Variants in CFAP100 observed in about 807,000 individuals in gnomAD.
CFAP100 encodes cilia and flagella associated protein 100, also known as cilia- and flagella-associated protein 100.
CFAP100 carries 70 observed loss-of-function variants against 81.5 expected under a neutral mutation model. The observed-to-expected ratio is 0.86, with a 90% CI of 0.71 to 1.05. CFAP100 has a LOEUF of 1.05. Among genes scored for constraint, CFAP100 ranks in the 50% least tolerant of loss-of-function variants. The pLI is 0.00. For synonymous variants in CFAP100, 341 were observed against 314.8 expected (o/e 1.08, Z -0.88); for missense variants, 811 against 776.5 (o/e 1.04, Z -0.53).
At chr3:126,417,708 A>G (rs1299559732) in intron 5 of CFAP100, among the ~76,000 whole-genome samples, 1 of 152,202 alleles carries the variant, frequency 6.6e-6, no homozygotes, top group Non-Finnish European at 1.5e-5. Context: ...CTACCCAGGG[A>G]GGCCCAGCCA....
At chr3:126,434,422 T>G in intron 15 of CFAP100, 41 bp downstream of exon 15, 1 of 1,585,844 alleles carries the variant, frequency 6.3e-7, no homozygotes. Context: ...GTGTCCTGGC[T>G]GGCCCTGAGG....
Position 126,436,523 on chromosome 3 carries a change from C to T in CFAP100, c.*119C>T. 1 of 677,474 alleles carries T rather than the reference C, an allele frequency of 1.5e-6. No individual in the cohort carries two copies. The highest frequency in any genetic ancestry group is 2.4e-5 in the Admixed American group (1 of 41,112). The allele number at this position is 677,474 out of a possible 1,614,324, so 42.0% of individuals were successfully genotyped here. A position where few individuals can be genotyped will look rare whatever the true frequency, so the allele number is the denominator to read the frequency against. ...GTCCTCTCTGTCTCCTGTGTGCTCC[C>T]TTCCTCACCTGAATAAATTCATGTC... is the stretch of plus-strand genomic sequence containing the variant. On this transcript the variant is annotated 3_prime_UTR_variant, in exon 17 of 17. Coordinates refer to ENST00000352312, the MANE Select transcript of CFAP100 (RefSeq NM_182628.3).
rs372126536 is a variant in CFAP100 at position 126,436,409 on chromosome 3, C to G, written c.*5C>G. On this transcript the variant is annotated 3_prime_UTR_variant, in exon 17 of 17. Coordinates refer to ENST00000352312, the MANE Select transcript of CFAP100 (RefSeq NM_182628.3). ...CTGCTATTTTTCTTTACTTAATCTT[C>G]GCAGACCATAGCTGTTCTGGCTGAA... 9 of 1,604,122 alleles carry G rather than the reference C, an allele frequency of 5.6e-6. No individual in the cohort carries two copies. The highest frequency in any genetic ancestry group is 7.7e-6 in the Non-Finnish European group (9 of 1,171,678).
At chr3:126,416,001 C>G (rs2083230384) in intron 4 of CFAP100, among the ~76,000 whole-genome samples, 1 of 152,232 alleles carries the variant, frequency 6.6e-6, no homozygotes, top group Non-Finnish European at 1.5e-5. Flanking sequence ...ATATACGGCT[C>G]TCACTTAAAT....
chr3:126,411,571 AT>A (rs1280575470), intron 3 of CFAP100, among the ~76,000 whole-genome samples: 3 of 151,592 alleles, frequency 2.0e-5, no homozygotes, highest in Non-Finnish European at 4.4e-5. Flanking sequence ...CAATTTTTAA[AT>A]TATGGATTCA....
At chr3:126,400,621 G>T (rs553828392) in intron 2 of CFAP100, among the ~76,000 whole-genome samples, 1 of 152,210 alleles carries the variant, frequency 6.6e-6, no homozygotes, top group African/African-American at 2.4e-5. Flanking sequence ...GCATGGTGGC[G>T]GGCACCTGTA....
At chr3:126,423,436 C>A in intron 12 of CFAP100, 57 bp from the exon 13 acceptor site, 1 of 1,608,096 alleles carries the variant, frequency 6.2e-7, no homozygotes, top group Non-Finnish European at 8.5e-7. Flanking sequence ...CCTGCCCCCA[C>A]CCCTGCCCCT....
chr3:126,400,603 A>G (rs558711297), intron 2 of CFAP100, among the ~76,000 whole-genome samples: 7 of 152,046 alleles, frequency 4.6e-5, no homozygotes, highest in Admixed American at 3.9e-4. Flanking sequence ...AATACAAAAA[A>G]TAACCGGGCA....
chr3:126,414,101 T>G lies in CFAP100; in HGVS notation c.147T>G (p.Pro49=). The part of the protein sequence containing the change: ...ARKNEEHGPD[P]SANPFHLSGD... ...CCTTTCCAGAACATGGTCCTGACCC[T>G]TCAGCGAACCCTTTCCACTTATCTG... is the stretch of plus-strand genomic sequence containing the variant. The change falls in exon 4 of 17, where the codon CCT becomes CCG. Residue 49 remains proline (P), a synonymous_variant. Transcript: ENST00000352312. The G allele has an allele frequency of 2.5e-6, 4 of 1,613,854 alleles. No homozygotes were observed. Among genetic ancestry groups the G allele is most frequent in the Non-Finnish European group, 3.4e-6 (4 of 1,179,728 alleles).
intron 3 of CFAP100, among the ~76,000 whole-genome samples, chr3:126,407,505 T>C (rs144002459): frequency 8.5e-5 from 13 of 152,294 alleles, no homozygotes; most frequent in African/African-American, 3.1e-4. Context: ...TTCCATAAAA[T>C]CACTCAGGTG....
chr3:126,407,176 C>G lies in CFAP100; in HGVS notation c.54C>G (p.Asn18Lys). Residue 18 changes from asparagine to lysine, a missense_variant, in exon 3 of 17, where the codon AAC becomes AAG. Asn to Lys is a moderately conservative substitution (Grantham distance 94, BLOSUM62 0). Coordinates refer to ENST00000352312, the MANE Select transcript of CFAP100 (RefSeq NM_182628.3). The part of the protein sequence containing the change: ...IVSKNMTNDK[N>K]SLESMNISSS... ...CTCACTTTTGTGTCTCCTCAGAGAA[C>G]AGCCTGGAATCCATGAACATCAGCT... is the stretch of plus-strand genomic sequence containing the variant. 1 of 1,612,984 alleles carries G rather than the reference C, an allele frequency of 6.2e-7. No homozygotes were observed. The highest frequency in any genetic ancestry group is 1.1e-5 in the South Asian group (1 of 91,026).
intron 15 of CFAP100, 55 bp from the exon 16 acceptor site, chr3:126,435,504 T>C (rs1250701121): frequency 4.7e-6 from 7 of 1,488,254 alleles, no homozygotes; most frequent in Non-Finnish European, 5.6e-6. Context: ...CGTGTGGAGA[T>C]TACACAACAC....
rs1374061777 is a variant in CFAP100, at chr3:126,405,483, T to C, written c.50-1689T>C. 3.9e-5 allele frequency among the ~76,000 whole-genome samples: 6 copies of C among 152,130 alleles called. No individual in the cohort carries two copies. In the South Asian group the frequency reaches 1.2e-3, roughly 32 times the overall value. On this transcript the variant is annotated intron_variant, in intron 2 of 16. Coordinates refer to ENST00000352312, the MANE Select transcript of CFAP100 (RefSeq NM_182628.3). ...TTCAAGACCAGCCCGGCCAACATAGTGAAACCCCATCTCTACAAAAAATAC... is the reference window on the plus strand; with the variant it reads ...TTCAAGACCAGCCCGGCCAACATAGCGAAACCCCATCTCTACAAAAAATAC...
At chr3:126,433,006 A>C (rs550128619) in intron 13 of CFAP100, 63 bp from the exon 14 acceptor site, 1 of 1,592,446 alleles carries the variant, frequency 6.3e-7, no homozygotes, top group East Asian at 2.2e-5. Context: ...ACAGGCTCAG[A>C]GAAGCGATGT....
intron 5 of CFAP100, 164 bp downstream of exon 5, chr3:126,416,672 G>A (rs1181825116): frequency 1.7e-6 from 1 of 575,852 alleles, no homozygotes; most frequent in South Asian, 2.4e-5. Flanking sequence ...TCTCCAGGGG[G>A]GTCCCAAAGC....
chr3:126,410,384 A>C (rs1317644273), intron 3 of CFAP100, among the ~76,000 whole-genome samples: 2 of 152,182 alleles, frequency 1.3e-5, no homozygotes, highest in African/African-American at 4.8e-5. Context: ...CCACATCTTA[A>C]TTGACCTAAT....
At chr3:126,415,866 G>A (rs1226485344) in intron 4 of CFAP100, among the ~76,000 whole-genome samples, 1 of 152,190 alleles carries the variant, frequency 6.6e-6, no homozygotes, top group African/African-American at 2.4e-5. Context: ...AGCTGGAGTG[G>A]GGTGGAGAGC....
intron 2 of CFAP100, among the ~76,000 whole-genome samples, chr3:126,402,922 G>A (rs534537535): frequency 6.6e-6 from 1 of 152,164 alleles, no homozygotes; most frequent in African/African-American, 2.4e-5. Context: ...GGGGCGGATG[G>A]GTCCAGTGCT....
At chr3:126,412,126 A>G (rs1193207706) in intron 3 of CFAP100, among the ~76,000 whole-genome samples, 1 of 152,216 alleles carries the variant, frequency 6.6e-6, no homozygotes, top group Non-Finnish European at 1.5e-5. Context: ...CAATTCAAAG[A>G]ATTTTCAAAT....
Sources: allele counts gnomAD v4.1 joint callset (sites outside exome capture counted in the v4.1 genomes callset), GRCh38; gene constraint gnomAD v4.1.1; transcripts MANE v1.5; gene names NCBI Gene and HGNC (gene_info 2026-07-23, HGNC 2026-07-21).